ALDH3A1: variants seen among roughly 807,000 people sequenced by gnomAD.
ALDH3A1 encodes the protein aldehyde dehydrogenase 3 family member A1.
Under a neutral mutation model 49.9 loss-of-function variants are expected in ALDH3A1, and 46 were observed. The ratio of observed to expected loss-of-function variants is 0.92; its 90% CI spans 0.73 to 1.18. The LOEUF is 1.18. ALDH3A1 is among the 50% of genes most tolerant of loss of function. The probability of loss-of-function intolerance (pLI) is 0.00; values close to 1 mark genes in which losing one functional copy is unlikely to be tolerated. For synonymous variants in ALDH3A1, 269 were observed against 253.3 expected (o/e 1.06, Z -0.59); for missense variants, 592 against 611.8 (o/e 0.97, Z 0.34).
intron 8 of ALDH3A1, 50 bp from the exon 9 acceptor site, chr17:19,739,145 C>T: frequency 6.5e-7 from 1 of 1,547,498 alleles, no homozygotes; most frequent in Non-Finnish European, 8.8e-7. Context: ...ACAGGATGCC[C>T]CAGCCCCCAA....
intron 1 of ALDH3A1, chr17:19,745,706 G>A (rs761631426): frequency 1.3e-5 from 2 of 152,326 alleles, no homozygotes; most frequent in African/African-American, 4.8e-5. Flanking sequence ...AGGATTCAGA[G>A]AGCTGCAGAT....
rs749245878 is a variant in ALDH3A1 at position 19,745,116 on chromosome 17, C to G, written c.14G>C (p.Ser5Thr). MSKISEAVKRARAAF... is the reference protein window; with the variant it reads MSKITEAVKRARAAF... Reference sequence around the variant, plus strand: ...GGCGCGGGCGCGCTTCACGGCCTCGCTGATCTTGCTCATGGCGCCTGGGGA... The same window carrying G: ...GGCGCGGGCGCGCTTCACGGCCTCGGTGATCTTGCTCATGGCGCCTGGGGA... Residue 5 changes from serine (S) to threonine (T), a missense_variant, in exon 2 of 11, where the codon AGC becomes ACC. Coordinates refer to ENST00000225740, the MANE Select transcript of ALDH3A1 (RefSeq NM_000691.5). 1 of 1,580,186 alleles carries G rather than the reference C, an allele frequency of 6.3e-7. No individual in the cohort carries two copies. The highest frequency in any genetic ancestry group is 8.5e-7 in the Non-Finnish European group (1 of 1,169,676).
rs765020206 is a variant in ALDH3A1, at chr17:19,738,133, C to T, written c.*88G>A. On this transcript the variant is annotated 3_prime_UTR_variant, in exon 11 of 11. Coordinates refer to ENST00000225740, the MANE Select transcript of ALDH3A1 (RefSeq NM_000691.5). ...TGGGGCTGGGCTGGGGCTGCAGGAG[C>T]GATTCTCCCAGGGCCAGGAGAGCCA... The T allele has an allele frequency of 1.3e-5, 21 of 1,607,360 alleles. No homozygotes were observed. The African/African-American group carries it at 1.5e-4, about 11-fold the overall frequency.
Position 19,738,322 on chromosome 17 carries a change from C to T in ALDH3A1, c.1347+1G>A, listed in dbSNP as rs370379937. On this transcript the variant is annotated splice_donor_variant, in intron 10 of 10. Coordinates refer to ENST00000225740, the MANE Select transcript of ALDH3A1 (RefSeq NM_000691.5). LOFTEE classifies it high-confidence loss of function. ...CCCCCACAGCGCCTTCCCCCTCTCACCTTGGCCGGGCTCGGGGGGTATCTG... is the reference window on the plus strand; with the variant it reads ...CCCCCACAGCGCCTTCCCCCTCTCATCTTGGCCGGGCTCGGGGGGTATCTG... The T allele has an allele frequency of 9.3e-6, 15 of 1,613,034 alleles. No individual in the cohort carries two copies. Among genetic ancestry groups the T allele is most frequent in the African/African-American group, 1.3e-5 (1 of 74,938 alleles).
rs201166581 is a variant in ALDH3A1, at chr17:19,743,194, G to A, written c.394+38C>T. ...CTGGCTTGGCTCCACGCTGGGGGAC[G>A]GTGCTCCCCCAGCTTCCCTTCCCAC... On this transcript the variant is annotated intron_variant, in intron 3 of 10. Transcript: ENST00000225740. The surrounding 1 kb of genome is among the most constrained non-coding windows in gnomAD (Gnocchi z 4.4). 242 of 1,609,944 alleles carry A rather than the reference G, an allele frequency of 1.5e-4. No individual in the cohort carries two copies. The highest frequency in any genetic ancestry group is 1.3e-4 in the Admixed American group (8 of 59,470).
chr17:19,742,292 G>A, intron 4 of ALDH3A1, 80 bp from the exon 5 acceptor site: 2 of 1,458,110 alleles, frequency 1.4e-6, no homozygotes, highest in African/African-American at 1.4e-5. Flanking sequence ...AGTTGCAGTG[G>A]CCAAGACCAG....
rs768288206 is a variant in ALDH3A1, at chr17:19,742,069, C to T, written c.624G>A (p.Thr208=). The change falls in exon 5 of 11, where the codon ACG becomes ACA. Residue 208 remains threonine (T), a synonymous_variant. Coordinates refer to ENST00000225740, the MANE Select transcript of ALDH3A1 (RefSeq NM_000691.5). ...TAAAKHLTPV[T]LELGGKSPCY... Reference sequence around the variant, plus strand: ...AGGGACTCTTCCCTCCCAGCTCCAGCGTGACAGGGGTCAGGTGCTTGGCAG... The same window carrying T: ...AGGGACTCTTCCCTCCCAGCTCCAGTGTGACAGGGGTCAGGTGCTTGGCAG... 13 of 1,613,946 alleles carry T rather than the reference C, an allele frequency of 8.1e-6. No individual in the cohort carries two copies. The highest frequency in any genetic ancestry group is 4.5e-5 in the East Asian group (2 of 44,898).
Position 19,741,188 on chromosome 17 carries a change from T to C in ALDH3A1, c.712A>G (p.Met238Val), listed in dbSNP as rs752328723. 7.1e-5 allele frequency: 114 copies of C among 1,614,032 alleles called. No homozygotes were observed. The highest frequency in any genetic ancestry group is 9.6e-5 in the Non-Finnish European group (113 of 1,179,926). The change falls in exon 6 of 11, where the codon ATG becomes GTG. Residue 238 changes from methionine (M) to valine (V), a missense_variant. Coordinates refer to ENST00000225740, the MANE Select transcript of ALDH3A1 (RefSeq NM_000691.5). ...ACRRIAWGKF[M>V]NSGQTCVAPD... ...GCCACGCAGGTCTGGCCACTGTTCA[T>C]GAATTTCCCCCAGGCGATGCGTCTG...
rs1231269860 is a variant in ALDH3A1, at chr17:19,738,149, A to T, written c.*72T>A. The T allele has an allele frequency of 6.2e-7, 1 of 1,611,136 alleles. No individual in the cohort carries two copies. The highest frequency in any genetic ancestry group is 8.5e-7 in the Non-Finnish European group (1 of 1,179,924). ...CTGCAGGAGCGATTCTCCCAGGGCC[A>T]GGAGAGCCAGTGAGGGTGGTCCGCA... On this transcript the variant is annotated 3_prime_UTR_variant, in exon 11 of 11. Transcript: ENST00000225740.
chr17:19,747,078 C>T (rs977523251), intron 1 of ALDH3A1, among the ~76,000 whole-genome samples: 10 of 152,006 alleles, frequency 6.6e-5, no homozygotes, highest in Admixed American at 2.0e-4. Context: ...CTTGCAGACC[C>T]GGCATAACTT....
At chr17:19,744,812 G>T (rs1271449205) in intron 2 of ALDH3A1, 156 bp downstream of exon 2, 2 of 1,356,578 alleles carry the variant, frequency 1.5e-6, no homozygotes, top group Non-Finnish European at 1.9e-6. Flanking sequence ...GGGCGCGGCG[G>T]AGGGGAGGGC....
At chr17:19,740,037 G>A (rs1200030565) in intron 7 of ALDH3A1, 15 of 461,124 alleles carry the variant, frequency 3.3e-5, no homozygotes, top group East Asian at 1.1e-4. Context: ...GGCCCCTCAC[G>A]GCTGGGCACA....
rs1296919069 is a variant in ALDH3A1 at position 19,743,315 on chromosome 17, G to A, written c.311C>T (p.Pro104Leu). 9 of 1,614,078 alleles carry A rather than the reference G, an allele frequency of 5.6e-6. No individual in the cohort carries two copies. The highest frequency in any genetic ancestry group is 1.6e-4 in the Middle Eastern group (1 of 6,084). Residue 104 changes from proline to leucine, a missense_variant, in exon 3 of 11, where the codon CCA (proline) becomes CTA (leucine). Physicochemically the swap from Pro to Leu is moderately conservative, Grantham distance 98. Transcript: ENST00000225740. This position sits in a 1 kb window ranked among gnomAD's most constrained non-coding sequence, Gnocchi z 4.4. The part of the protein sequence containing the change: ...QQDELYIHSE[P>L]LGVVLVIGTW... ...GCCAATGACGAGGACCACGCCCAGT[G>A]GCTCCGAGTGGATGTAGAGCTCGTC...
intron 2 of ALDH3A1, 49 bp downstream of exon 2, chr17:19,744,919 C>CCCCCACCCA: frequency 7.2e-7 from 1 of 1,385,390 alleles, no homozygotes; most frequent in Non-Finnish European, 9.4e-7. Context: ...CCCCACGCCC[C>CCCCCACCCA]ATCGCATGGC....
At chr17:19,740,149 G>A in intron 7 of ALDH3A1, 187 bp downstream of exon 7, 1 of 635,720 alleles carries the variant, frequency 1.6e-6, no homozygotes, top group Non-Finnish European at 2.6e-6. Flanking sequence ...AGGGGATTCT[G>A]AGGTTGAAGC....
Position 19,743,266 on chromosome 17 carries a change from G to A in ALDH3A1, c.360C>T (p.Leu120=). The A allele has an allele frequency of 6.2e-7, 1 of 1,614,008 alleles. No individual in the cohort carries two copies. The highest frequency in any genetic ancestry group is 8.5e-7 in the Non-Finnish European group (1 of 1,179,996). ...VIGTWNYPFN[L]TIQPMVGAIA... is the part of the protein sequence containing the mutation. ...TGGCGCCCACCATGGGCTGGATGGT[G>A]AGGTTGAAGGGGTAGTTCCAGGTGC... is the stretch of plus-strand genomic sequence containing the variant. Residue 120 remains leucine (L), a synonymous_variant, in exon 3 of 11, where the codon CTC becomes CTT. Coordinates refer to ENST00000225740, the MANE Select transcript of ALDH3A1 (RefSeq NM_000691.5). The surrounding 1 kb of genome is among the most constrained non-coding windows in gnomAD (Gnocchi z 4.4).
chr17:19,744,062 G>C, intron 2 of ALDH3A1: 1 of 985,354 alleles, frequency 1.0e-6, no homozygotes, highest in Middle Eastern at 5.2e-4. Flanking sequence ...TTTCCTTGTT[G>C]TTTCTGGTTT....
chr17:19,739,401 G>A, intron 8 of ALDH3A1, 107 bp downstream of exon 8: 1 of 1,334,988 alleles, frequency 7.5e-7, no homozygotes, highest in Non-Finnish European at 1.0e-6. Context: ...GAAAGATCCA[G>A]TGACTTGCCC....
intron 8 of ALDH3A1, 33 bp downstream of exon 8, chr17:19,739,458 TCTGTGGGCCCCAGGACC>T (rs2086449062): frequency 6.4e-7 from 1 of 1,570,260 alleles, no homozygotes; most frequent in Non-Finnish European, 8.6e-7. Context: ...TGAACCCAGG[TCTGTGGGCCCCAGGACC>T]CTGGCAGAGG....
Sources: allele counts gnomAD v4.1 joint callset (sites outside exome capture counted in the v4.1 genomes callset), GRCh38; gene constraint gnomAD v4.1.1; non-coding constraint Gnocchi (gnomAD v3.1); transcripts MANE v1.5; gene names NCBI Gene and HGNC (gene_info 2026-07-23, HGNC 2026-07-21).